Variants in PUM1 observed in about 807,000 individuals in gnomAD.
PUM1 encodes the protein pumilio RNA binding family member 1.
In PUM1, 13 loss-of-function variants were observed where a neutral mutation model predicts 131.8. The ratio of observed to expected loss-of-function variants is 0.10; its 90% CI spans 0.06 to 0.16. The LOEUF (loss-of-function observed/expected upper bound fraction) is 0.16. Ranked by LOEUF, PUM1 falls within the 10% of genes least tolerant of loss-of-function variation. The pLI, the probability that PUM1 is intolerant of heterozygous loss-of-function variation, is 1.00. For missense variants in PUM1, 961 were observed against 1,512.4 expected, an observed-to-expected ratio of 0.64 and a Z score of 6.05; for synonymous variants, 509 against 556.5, an observed-to-expected ratio of 0.91 and a Z score of 1.20.
intron 17 of PUM1, among the ~76,000 whole-genome samples, chr1:30,947,266 T>C (rs901486918): frequency 2.6e-5 from 4 of 152,218 alleles, no homozygotes; most frequent in Non-Finnish European, 5.9e-5. Flanking sequence ...TGCTGGTATA[T>C]AAAAGAAACT....
intron 5 of PUM1, among the ~76,000 whole-genome samples, chr1:30,997,995 GC>G (rs1180561166): frequency 6.6e-6 from 1 of 152,058 alleles, no homozygotes; most frequent in African/African-American, 2.4e-5. Flanking sequence ...TATCGTACAG[GC>G]CATTCCTACA....
At chr1:31,008,671 G>T (rs543354826) in intron 3 of PUM1, among the ~76,000 whole-genome samples, 1 of 151,988 alleles carries the variant, frequency 6.6e-6, no homozygotes, top group Admixed American at 6.6e-5. Context: ...AGAAAATATC[G>T]TTCAAGTTGC....
intron 2 of PUM1, among the ~76,000 whole-genome samples, chr1:31,038,378 G>C (rs1211566166): frequency 1.3e-5 from 2 of 152,096 alleles, no homozygotes; most frequent in African/African-American, 4.8e-5. Flanking sequence ...GATGGACTAG[G>C]CATTGCAGAA....
intron 3 of PUM1, among the ~76,000 whole-genome samples, chr1:31,013,729 T>C (rs1642705943): frequency 6.6e-6 from 1 of 150,660 alleles, no homozygotes. Context: ...GGAAGTTTGA[T>C]TGGTAACCAC....
At chr1:30,997,708 G>T (rs1053830210) in intron 5 of PUM1, among the ~76,000 whole-genome samples, 2 of 152,026 alleles carry the variant, frequency 1.3e-5, no homozygotes, top group East Asian at 1.9e-4. Flanking sequence ...TTTTGTGGTG[G>T]TGGTGGTGTT....
intron 12 of PUM1, 153 bp downstream of exon 12, chr1:30,967,014 T>C: frequency 2.5e-6 from 2 of 790,622 alleles, no homozygotes; most frequent in African/African-American, 1.8e-5. Context: ...TCCACTAAGG[T>C]CACTTATTGC....
intron 10 of PUM1, among the ~76,000 whole-genome samples, chr1:30,972,219 C>T (rs185107556): frequency 7.2e-6 from 1 of 138,870 alleles, no homozygotes; most frequent in Admixed American, 7.3e-5. Flanking sequence ...GGCGCCACTG[C>T]ACTCCAGGCT....
At chr1:31,051,997 T>C (rs1644120040) in intron 2 of PUM1, among the ~76,000 whole-genome samples, 1 of 152,066 alleles carries the variant, frequency 6.6e-6, no homozygotes, top group Non-Finnish European at 1.5e-5. Flanking sequence ...GTATAAAAAT[T>C]ACTGTCAAAA....
Position 30,974,693 on chromosome 1 carries a change from A to C in PUM1, c.1464T>G (p.Ala488=). Residue 488 remains alanine, a synonymous_variant, in exon 10 of 22, where the codon GCT becomes GCG. Coordinates refer to ENST00000426105, the MANE Select transcript of PUM1 (RefSeq NM_001020658.2). ...AAAAAAATNS[A]NQQTTPQAQQ... The stretch of plus-strand genomic sequence containing the variant: ...GAGCCTGTGGGGTGGTCTGTTGATT[A>C]GCTGAATTAGTTGCTGCAGCGGCAG... 6.2e-7 allele frequency: 1 copy of C among 1,610,762 alleles called. No individual in the cohort carries two copies. Among genetic ancestry groups the C allele is most frequent in the Non-Finnish European group, 8.5e-7 (1 of 1,179,068 alleles).
At chr1:30,955,702 A>C (rs1450708029) in intron 14 of PUM1, among the ~76,000 whole-genome samples, 1 of 152,186 alleles carries the variant, frequency 6.6e-6, no homozygotes, top group African/African-American at 2.4e-5. Flanking sequence ...ACTACTTCTC[A>C]ACTCTTCACA....
At chr1:30,945,254 A>G in intron 18 of PUM1, 92 bp downstream of exon 18, 1 of 1,413,980 alleles carries the variant, frequency 7.1e-7, no homozygotes, top group Non-Finnish European at 9.9e-7. Flanking sequence ...AAGTACATTA[A>G]GCATATTGAG....
intron 9 of PUM1, among the ~76,000 whole-genome samples, chr1:30,975,276 ATCAG>A (rs1393241011): frequency 1.3e-5 from 2 of 152,186 alleles, no homozygotes; most frequent in Non-Finnish European, 2.9e-5. Flanking sequence ...AAGAACATCT[ATCAG>A]TCTGACAACA....
chr1:30,976,120 T>C (rs1251503731), intron 9 of PUM1, among the ~76,000 whole-genome samples: 1 of 151,702 alleles, frequency 6.6e-6, no homozygotes, highest in Non-Finnish European at 1.5e-5. Flanking sequence ...AGCATTCTGC[T>C]TTAATCCAAA....
intron 7 of PUM1, among the ~76,000 whole-genome samples, chr1:30,990,931 C>G (rs1641763485): frequency 6.6e-6 from 1 of 152,094 alleles, no homozygotes; most frequent in African/African-American, 2.4e-5. Flanking sequence ...ATGCTAACTA[C>G]TTGTGGGTAC....
chr1:31,052,129 C>T (rs1030998755), intron 2 of PUM1, among the ~76,000 whole-genome samples: 1 of 152,076 alleles, frequency 6.6e-6, no homozygotes, highest in Non-Finnish European at 1.5e-5. Context: ...TCTCCTGCCT[C>T]AGACTCCCGA....
rs555867693 is a variant in PUM1, at chr1:31,054,535, TAA to T, written c.363+4667_363+4668del. On this transcript the variant is annotated intron_variant, in intron 2 of 21. Coordinates refer to ENST00000426105, the MANE Select transcript of PUM1 (RefSeq NM_001020658.2). ...TTGTTCCATTATGCCAAAGGGCCAC[TAA>T]AAAAAAAAAAAAAAAAAAAAAGGCC... Among the ~76,000 whole-genome samples, 753 of 83,368 alleles carry T rather than the reference TAA, an allele frequency of 9.0e-3. 3 individuals are homozygous for T. The highest frequency in any genetic ancestry group is 0.019 in the African/African-American group (511 of 26,594). 54.7% of individuals were successfully genotyped at this position (83,368 alleles called of 152,430 possible).
At chr1:31,025,586 C>T (rs1643193103) in intron 3 of PUM1, among the ~76,000 whole-genome samples, 3 of 128,662 alleles carry the variant, frequency 2.3e-5, no homozygotes, top group South Asian at 2.7e-4. Context: ...GAGTCTCACT[C>T]ACTCTGTTGC....
chr1:30,944,366 T>C (rs1379144303), intron 18 of PUM1, among the ~76,000 whole-genome samples: 1 of 152,126 alleles, frequency 6.6e-6, no homozygotes. Context: ...CCACCCACCT[T>C]AGGAGACTGT....
chr1:30,952,379 A>G lies in PUM1; in HGVS notation c.2592-16T>C, dbSNP rs752832904. 4.3e-6 allele frequency: 7 copies of G among 1,613,654 alleles called. No homozygotes were observed. In the East Asian group the frequency reaches 1.6e-4, roughly 36 times the overall value. On this transcript the variant is annotated splice_polypyrimidine_tract_variant and intron_variant, in intron 15 of 21. Transcript: ENST00000426105. Reference sequence around the variant, plus strand: ...CTGAATGAATCTGAAGTACAAAGTAAAAAGGGCAATCACAGCACTGAAGGA... The same window carrying G: ...CTGAATGAATCTGAAGTACAAAGTAGAAAGGGCAATCACAGCACTGAAGGA...
Sources: allele counts gnomAD v4.1 joint callset (sites outside exome capture counted in the v4.1 genomes callset), GRCh38; gene constraint gnomAD v4.1.1; transcripts MANE v1.5; gene names NCBI Gene and HGNC (gene_info 2026-07-23, HGNC 2026-07-21).